MYO1E: variants seen among roughly 807,000 people sequenced by gnomAD.
The protein encoded by MYO1E is unconventional myosin-Ie.
Under a neutral mutation model 151.1 loss-of-function variants are expected in MYO1E, and 68 were observed. That is an observed-to-expected ratio of 0.45 (90% confidence interval 0.37 to 0.55). MYO1E has a LOEUF of 0.55. MYO1E is among the 20% of genes least tolerant of loss of function. The pLI is 0.00. For synonymous variants in MYO1E, 601 were observed against 501.7 expected (o/e 1.20, Z -2.64); for missense variants, 1,363 against 1,389.3 (o/e 0.98, Z 0.30).
intron 18 of MYO1E, among the ~76,000 whole-genome samples, chr15:59,181,912 CT>C (rs1566972384): frequency 6.6e-6 from 1 of 152,184 alleles, no homozygotes; most frequent in Non-Finnish European, 1.5e-5. Context: ...TTCCTCTCAC[CT>C]TTAGAGAAAA....
intron 17 of MYO1E, among the ~76,000 whole-genome samples, chr15:59,190,750 G>C (rs2079727935): frequency 6.6e-6 from 1 of 152,330 alleles, no homozygotes; most frequent in East Asian, 1.9e-4. Flanking sequence ...AAAGCACTTA[G>C]TTCGTAGCAC....
chr15:59,204,267 G>T (rs1044124890), intron 15 of MYO1E, among the ~76,000 whole-genome samples: 4 of 152,176 alleles, frequency 2.6e-5, no homozygotes, highest in African/African-American at 7.2e-5. Flanking sequence ...GAGAGCAGAG[G>T]GTGAGGAGGG....
chr15:59,232,947 A>G (rs569517425), intron 5 of MYO1E, among the ~76,000 whole-genome samples: 30 of 152,176 alleles, frequency 2.0e-4, no homozygotes, highest in Admixed American at 2.0e-4. Context: ...ATCCTTAGCC[A>G]TGGCACCAAG....
intron 4 of MYO1E, among the ~76,000 whole-genome samples, chr15:59,246,811 T>A (rs1008595527): frequency 6.6e-6 from 1 of 152,184 alleles, no homozygotes; most frequent in Admixed American, 6.5e-5. Flanking sequence ...ATTTGGTGTA[T>A]AAATGCATCT....
chr15:59,243,425 CA>C (rs1378851848), intron 4 of MYO1E, among the ~76,000 whole-genome samples: 1 of 152,128 alleles, frequency 6.6e-6, no homozygotes, highest in Non-Finnish European at 1.5e-5. Flanking sequence ...ACTTGGTCCA[CA>C]TAAGAGTCCT....
At chr15:59,305,217 G>A (rs2080507690) in intron 1 of MYO1E, among the ~76,000 whole-genome samples, 1 of 152,130 alleles carries the variant, frequency 6.6e-6, no homozygotes, top group Non-Finnish European at 1.5e-5. Flanking sequence ...CTATCGAGAT[G>A]GGGTTTCACT....
At chr15:59,264,465 A>G (rs1368504345) in intron 2 of MYO1E, among the ~76,000 whole-genome samples, 1 of 152,204 alleles carries the variant, frequency 6.6e-6, no homozygotes, top group Admixed American at 6.5e-5. Context: ...GTTAAATTGG[A>G]AAGTCATTCA....
chr15:59,188,034 C>T (rs1020881703), intron 18 of MYO1E, 84 bp downstream of exon 18: 46 of 1,030,486 alleles, frequency 4.5e-5, no homozygotes, highest in African/African-American at 6.3e-5. Context: ...TTGACTCGTA[C>T]GCTTGAAGTG....
chr15:59,191,375 A>C (rs2140327738), intron 17 of MYO1E, among the ~76,000 whole-genome samples: 1 of 150,432 alleles, frequency 6.6e-6, no homozygotes, highest in Non-Finnish European at 1.5e-5. Flanking sequence ...AGAGAAAGAA[A>C]TGTCATGTCA....
At chr15:59,222,772 C>T (rs1313948427) in intron 9 of MYO1E, among the ~76,000 whole-genome samples, 1 of 152,140 alleles carries the variant, frequency 6.6e-6, no homozygotes, top group Non-Finnish European at 1.5e-5. Flanking sequence ...TATCTTTAAA[C>T]CAAGGTGTGA....
chr15:59,313,978 C>T (rs1314908003), intron 1 of MYO1E, among the ~76,000 whole-genome samples: 1 of 152,216 alleles, frequency 6.6e-6, no homozygotes, highest in Non-Finnish European at 1.5e-5. Flanking sequence ...ACAGCGTGGC[C>T]TCCTGCCAGC....
At chr15:59,280,511 A>G (rs974208682) in intron 1 of MYO1E, among the ~76,000 whole-genome samples, 3 of 151,308 alleles carry the variant, frequency 2.0e-5, no homozygotes, top group Admixed American at 6.6e-5. Context: ...AATCCCAGCT[A>G]CTCCAGAGGC....
rs565681564 is a variant in MYO1E at position 59,179,880 on chromosome 15, T to C, written c.1905-1343A>G. Among the ~76,000 whole-genome samples the C allele has an allele frequency of 3.9e-4, 59 of 152,362 alleles. 1 individual carries two copies. Among genetic ancestry groups the C allele is most frequent in the African/African-American group, 1.4e-3 (59 of 41,582 alleles). ...GAATCATCATGGGTATGTGTGGGTG[T>C]GAAGTTGGAGGGCGTGGCCCACGTG... On this transcript the variant is annotated intron_variant, in intron 18 of 27. Coordinates refer to ENST00000288235, the MANE Select transcript of MYO1E (RefSeq NM_004998.4).
At position 59,138,407 on chromosome 15, in the gene MYO1E, G is replaced by C. The variant is rs770318770; in HGVS notation, c.3081-40C>G. On this transcript the variant is annotated intron_variant, in intron 26 of 27. Transcript: ENST00000288235. ...GAGCAGATGAGACTGGGCCCCAACA[G>C]GGGGCAGCAGCACCGAACGGTGGTT... 3.1e-6 allele frequency: 5 copies of C among 1,609,180 alleles called. No individual in the cohort carries two copies. The African/African-American group carries it at 4.0e-5, about 13-fold the overall frequency.
chr15:59,269,885 T>G (rs946408861), intron 2 of MYO1E, among the ~76,000 whole-genome samples: 1 of 151,424 alleles, frequency 6.6e-6, no homozygotes, highest in Non-Finnish European at 1.5e-5. Context: ...CACAGGTATC[T>G]GGAGCAGAAG....
At chr15:59,145,658 C>T (rs572969417) in intron 26 of MYO1E, among the ~76,000 whole-genome samples, 1 of 152,290 alleles carries the variant, frequency 6.6e-6, no homozygotes, top group South Asian at 2.1e-4. Flanking sequence ...TCCCAAAGTG[C>T]TGGGATTACA....
chr15:59,322,365 G>A (rs142756970), intron 1 of MYO1E, among the ~76,000 whole-genome samples: 60 of 152,160 alleles, frequency 3.9e-4, no homozygotes, highest in African/African-American at 1.4e-3. Context: ...ATAAGAAACT[G>A]TCACCATGAA....
At chr15:59,358,570 G>A (rs1346224317) in intron 1 of MYO1E, among the ~76,000 whole-genome samples, 1 of 152,172 alleles carries the variant, frequency 6.6e-6, no homozygotes, top group Admixed American at 6.5e-5. Flanking sequence ...ACAAAGCACA[G>A]AAATCTGCTC....
At chr15:59,322,977 C>G (rs1272182057) in intron 1 of MYO1E, among the ~76,000 whole-genome samples, 2 of 146,782 alleles carry the variant, frequency 1.4e-5, no homozygotes, top group African/African-American at 2.5e-5. Context: ...CTGGCTAACA[C>G]GGTGAAACTC....
Sources: allele counts gnomAD v4.1 joint callset (sites outside exome capture counted in the v4.1 genomes callset), GRCh38; gene constraint gnomAD v4.1.1; transcripts MANE v1.5; gene names NCBI Gene and HGNC (gene_info 2026-07-23, HGNC 2026-07-21).